The following VDR variants were observed in gnomAD, a reference collection of about 807,000 sequenced individuals.
The protein encoded by VDR is vitamin D3 receptor.
A neutral mutation model predicts 39.7 loss-of-function variants in VDR; 19 were observed. That is an observed-to-expected ratio of 0.48 (90% CI 0.33 to 0.70). The LOEUF (loss-of-function observed/expected upper bound fraction) is 0.70. Ranked by LOEUF, VDR falls within the 30% of genes least tolerant of loss-of-function variation. The pLI is 0.02. For synonymous variants in VDR, 242 were observed against 215.8 expected (o/e 1.12, Z -1.07); for missense variants, 442 against 570.5 (o/e 0.77, Z 2.29).
intron 1 of VDR, chr12:47,904,687 G>A: frequency 2.7e-6 from 4 of 1,505,810 alleles, no homozygotes; most frequent in Non-Finnish European, 3.6e-6. Context: ...CAAGTGCTAA[G>A]CACTGTGTTA....
rs188299120 is a variant in VDR at position 47,882,695 on chromosome 12, T to A, written c.-4A>T. 1 of 1,290,860 alleles carries A rather than the reference T, an allele frequency of 7.7e-7. No individual in the cohort carries two copies. Among genetic ancestry groups the A allele is most frequent in the African/African-American group, 1.7e-5 (1 of 57,550 alleles). The allele number at this position is 1,290,860 out of a possible 1,614,324, so 80.0% of individuals were successfully genotyped here. A position where few individuals can be genotyped will look rare whatever the true frequency, so the allele number is the denominator to read the frequency against. On this transcript the variant is annotated splice_region_variant and 5_prime_UTR_variant, in exon 2 of 10. Coordinates refer to ENST00000549336, the MANE Select transcript of VDR (RefSeq NM_000376.3). Reference sequence around the variant, plus strand: ...TGCGGCTGATGAGGAAACACCTACCTGAAGGAGCAGGGGGCAGGTAAGTGG... The same window carrying A: ...TGCGGCTGATGAGGAAACACCTACCAGAAGGAGCAGGGGGCAGGTAAGTGG...
chr12:47,902,341 G>A (rs572129033), intron 1 of VDR, among the ~76,000 whole-genome samples: 18 of 152,326 alleles, frequency 1.2e-4, no homozygotes, highest in South Asian at 4.1e-4. Flanking sequence ...GGCCCAGAGT[G>A]GCAGCCAGGC....
chr12:47,874,302 C>T (rs1268070069), intron 3 of VDR, among the ~76,000 whole-genome samples: 1 of 152,176 alleles, frequency 6.6e-6, no homozygotes, highest in East Asian at 1.9e-4. Flanking sequence ...TTTACTTGTG[C>T]CCATAGAATA....
rs1945183340 is a variant in VDR, at chr12:47,842,172, A to C, written c.*2574T>G. 6.6e-6 allele frequency: 1 copy of C among 152,516 alleles called. No homozygotes were observed. Among genetic ancestry groups the C allele is most frequent in the African/African-American group, 2.4e-5 (1 of 41,468 alleles). 9.4% of individuals were successfully genotyped at this position (152,516 alleles called of 1,614,324 possible). A position where few individuals can be genotyped will look rare whatever the true frequency, so the allele number is the denominator to read the frequency against. ...TGCATGTTATAGATGAGGCAACAGC[A>C]TTATCCAAGGCTGAGGTGGAGAGCC... On this transcript the variant is annotated 3_prime_UTR_variant, in exon 10 of 10. Coordinates refer to ENST00000549336, the MANE Select transcript of VDR (RefSeq NM_000376.3).
chr12:47,846,256 A>G, intron 9 of VDR, 79 bp downstream of exon 9: 1 of 1,302,012 alleles, frequency 7.7e-7, no homozygotes, highest in South Asian at 1.2e-5. Flanking sequence ...CAGGTTGCCC[A>G]GCTGGCCCTC....
At chr12:47,904,776 T>G (rs1195254574) in intron 1 of VDR, 179 bp downstream of exon 1, 5 of 759,872 alleles carry the variant, frequency 6.6e-6, no homozygotes, top group African/African-American at 5.3e-5. Context: ...TTCTCAAACC[T>G]CAGTGCCCCT....
rs2137112477 is a variant in VDR at position 47,841,803 on chromosome 12, G to A, written c.*2943C>T. 6.6e-6 allele frequency: 1 copy of A among 152,414 alleles called. No homozygotes were observed. Among genetic ancestry groups the A allele is most frequent in the South Asian group, 2.1e-4 (1 of 4,830 alleles). The allele number at this position is 152,414 out of a possible 1,614,324, so 9.4% of individuals were successfully genotyped here. A position where few individuals can be genotyped will look rare whatever the true frequency, so the allele number is the denominator to read the frequency against. On this transcript the variant is annotated 3_prime_UTR_variant, in exon 10 of 10. Transcript: ENST00000549336. Reference sequence around the variant, plus strand: ...GGATTCTCCTACATGCTTCCAGTTAGCCAGCCAGAGGATTTTCCTGTCTCT... The same window carrying A: ...GGATTCTCCTACATGCTTCCAGTTAACCAGCCAGAGGATTTTCCTGTCTCT...
chr12:47,846,931 C>T (rs2137123480), intron 7 of VDR, 123 bp from the exon 8 acceptor site: 15 of 1,172,310 alleles, frequency 1.3e-5, no homozygotes, highest in Admixed American at 3.5e-5. Context: ...GGTCTTTCAT[C>T]GAGGAGCTTG....
Position 47,844,627 on chromosome 12 carries a change from AGAGGAGGGGCTGAACCCCAGACGGGGT to A in VDR, c.*92_*118del. On this transcript the variant is annotated 3_prime_UTR_variant, in exon 10 of 10. Coordinates refer to ENST00000549336, the MANE Select transcript of VDR (RefSeq NM_000376.3). ...GGGCTGGGTGGATAGGGGAGGTGGCAGAGGAGGGGCTGAACCCCAGACGGGGTGAGGAGGGCTGCTGAGTAGCCGCCA... is the reference window on the plus strand; with the variant it reads ...GGGCTGGGTGGATAGGGGAGGTGGCAGAGGAGGGCTGCTGAGTAGCCGCCA... The A allele has an allele frequency of 7.2e-7, 1 of 1,394,834 alleles. No homozygotes were observed. The highest frequency in any genetic ancestry group is 9.9e-7 in the Non-Finnish European group (1 of 1,007,744). 86.4% of individuals were successfully genotyped at this position (1,394,834 alleles called of 1,614,324 possible).
At chr12:47,888,629 G>A (rs1946305727) in intron 1 of VDR, among the ~76,000 whole-genome samples, 2 of 152,194 alleles carry the variant, frequency 1.3e-5, no homozygotes, top group Non-Finnish European at 2.9e-5. Context: ...CGTCACTGCT[G>A]GAGAGTGGCC....
At position 47,859,231 on chromosome 12, in the gene VDR, T is replaced by C. The variant is rs926589949; in HGVS notation, c.278-1543A>G. On this transcript the variant is annotated intron_variant, in intron 4 of 9. Transcript: ENST00000549336. ...CCTGTTTCTGCCAGCCACACCATGG[T>C]GTCTACAGGCACGTAGCTCAGCCTG... Among the ~76,000 whole-genome samples, 6 of 152,204 alleles carry C rather than the reference T, an allele frequency of 3.9e-5. No homozygotes were observed. The East Asian group carries it at 1.2e-3, about 29-fold the overall frequency.
chr12:47,884,152 G>A (rs770179172), intron 1 of VDR, among the ~76,000 whole-genome samples: 5 of 152,130 alleles, frequency 3.3e-5, no homozygotes, highest in Non-Finnish European at 5.9e-5. Flanking sequence ...GGTGGGGACC[G>A]GGTGGATGCA....
At position 47,843,527 on chromosome 12, in the gene VDR, A is replaced by C. The variant is rs1945211382; in HGVS notation, c.*1219T>G. On this transcript the variant is annotated 3_prime_UTR_variant, in exon 10 of 10. Transcript: ENST00000549336. ...GCTGGGCTGGCTGCAGAGAGCATGC[A>C]CTTGAAGTTGTATCACTCCGCCCCT... 6.6e-6 allele frequency: 1 copy of C among 152,390 alleles called. No individual in the cohort carries two copies. The highest frequency in any genetic ancestry group is 1.5e-5 in the Non-Finnish European group (1 of 68,104). 9.4% of individuals were successfully genotyped at this position (152,390 alleles called of 1,614,324 possible).
chr12:47,864,548 G>A (rs368304426), intron 4 of VDR, among the ~76,000 whole-genome samples: 6 of 152,326 alleles, frequency 3.9e-5, no homozygotes, highest in East Asian at 1.9e-4. Flanking sequence ...GGGACAGAAC[G>A]TGGATGCCAA....
chr12:47,852,672 G>A (rs982462973), intron 7 of VDR, among the ~76,000 whole-genome samples: 1 of 152,180 alleles, frequency 6.6e-6, no homozygotes, highest in Non-Finnish European at 1.5e-5. Flanking sequence ...TGTTATTTGG[G>A]TTGGTGAGAG....
intron 2 of VDR, among the ~76,000 whole-genome samples, chr12:47,881,986 A>G (rs1946158877): frequency 6.6e-6 from 1 of 152,218 alleles, no homozygotes; most frequent in South Asian, 2.1e-4. Flanking sequence ...GATTTCGTGG[A>G]AAACAGAGAA....
intron 1 of VDR, chr12:47,896,762 C>T (rs1330656255): frequency 2.6e-5 from 4 of 152,274 alleles, no homozygotes; most frequent in Admixed American, 2.6e-4. Flanking sequence ...GGCAGCCCCT[C>T]CCCCACTTCT....
At position 47,851,190 on chromosome 12, in the gene VDR, CT is replaced by C. The variant is rs140191553; in HGVS notation, c.756-4383del. ...GGCTGCAGCTTATGTGGCCTGGTCT[CT>C]TGTGTACTTTACTTGTCAGTGAAGC... On this transcript the variant is annotated intron_variant, in intron 7 of 9. Coordinates refer to ENST00000549336, the MANE Select transcript of VDR (RefSeq NM_000376.3). Among the ~76,000 whole-genome samples the C allele has an allele frequency of 7.0e-3, 1,060 of 152,238 alleles. 12 individuals carry two copies. Among genetic ancestry groups the C allele is most frequent in the African/African-American group, 0.024 (977 of 41,524 alleles).
At chr12:47,848,946 C>T (rs1314668021) in intron 7 of VDR, among the ~76,000 whole-genome samples, 7 of 152,144 alleles carry the variant, frequency 4.6e-5, no homozygotes, top group Admixed American at 2.0e-4. Flanking sequence ...CACACACTGA[C>T]CATTGAGCCG....
Sources: gnomAD v4.1 joint callset for allele counts (sites outside exome capture counted in the v4.1 genomes callset) on GRCh38, gnomAD v4.1.1 for gene constraint, MANE v1.5 for transcripts, NCBI Gene and HGNC (gene_info 2026-07-23, HGNC 2026-07-21) for gene names.